ZNF782: variants seen among roughly 807,000 people sequenced by gnomAD.
ZNF782 encodes zinc finger protein 782.
A neutral mutation model predicts 13.0 loss-of-function variants in ZNF782; 12 were observed. The observed-to-expected ratio is 0.92, with a 90% CI of 0.59 to 1.50. ZNF782 has a LOEUF of 1.50. Ranked by LOEUF, ZNF782 falls within the 40% of genes most tolerant of loss-of-function variation. ZNF782 has a pLI of 0.00. For synonymous variants in ZNF782, 284 were observed against 283.0 expected, an observed-to-expected ratio of 1.00 and a Z score of -0.04; for missense variants, 770 against 822.9, an observed-to-expected ratio of 0.94 and a Z score of 0.79.
At chr9:96,907,408 T>TA in the ZNF782 span, among the ~76,000 whole-genome samples, 1 of 152,168 alleles carries the variant, frequency 6.6e-6, no homozygotes. Flanking sequence ...GAAAAAGTTC[T>TA]GGAAATTAGT....
the ZNF782 span, among the ~76,000 whole-genome samples, chr9:96,913,973 CAAAA>C: frequency 1.0e-5 from 1 of 97,486 alleles, no homozygotes; most frequent in Non-Finnish European, 2.2e-5. Flanking sequence ...GACCTTGTCT[CAAAA>C]AAAAAAAAAA....
At chr9:96,905,265 T>C in the ZNF782 span, among the ~76,000 whole-genome samples, 1 of 144,106 alleles carries the variant, frequency 6.9e-6, no homozygotes, top group Middle Eastern at 3.4e-3. Context: ...AAAACCAAGA[T>C]GGTGATGACA....
At chr9:96,920,016 A>G in the ZNF782 span, among the ~76,000 whole-genome samples, 1,138 of 151,498 alleles carry the variant, frequency 7.5e-3, 7 homozygotes, top group African/African-American at 0.026. Context: ...GTAAACATCT[A>G]GCTAAGACAC....
chr9:96,827,015 G>A lies in ZNF782; in HGVS notation c.244+65C>T, dbSNP rs553825603. 23 of 1,031,866 alleles carry A rather than the reference G, an allele frequency of 2.2e-5. No individual in the cohort carries two copies. The African/African-American group carries it at 2.2e-4, about 10-fold the overall frequency. 63.9% of individuals were successfully genotyped at this position (1,031,866 alleles called of 1,614,324 possible). On this transcript the variant is annotated intron_variant, in intron 5 of 5. Coordinates refer to ENST00000481138, the MANE Select transcript of ZNF782 (RefSeq NM_001001662.3). ...ATTTTAACCATTATTATGACTATAC[G>A]CTGAGTTGTGTGAGTACTCCTAGTG...
At chr9:96,845,422 C>T (rs1851317017) in intron 3 of ZNF782, among the ~76,000 whole-genome samples, 2 of 152,266 alleles carry the variant, frequency 1.3e-5, no homozygotes, top group East Asian at 1.9e-4. Flanking sequence ...GCCACCACAC[C>T]TAGTTTTTTG....
chr9:96,865,336 G>A (rs920532296), intron 1 of ZNF782, among the ~76,000 whole-genome samples: 22 of 152,184 alleles, frequency 1.4e-4, no homozygotes, highest in Non-Finnish European at 2.9e-4. Flanking sequence ...GGTCTTTCCT[G>A]TGTTGTTCTC....
In ZNF782 at chr9:96,851,335, C is replaced by T. The variant is rs138614092; in HGVS notation, c.15+612G>A. Among the ~76,000 whole-genome samples the T allele has an allele frequency of 3.9e-3, 589 of 152,182 alleles. 7 individuals carry two copies. Among genetic ancestry groups the T allele is most frequent in the African/African-American group, 0.013 (556 of 41,550 alleles). On this transcript the variant is annotated intron_variant, in intron 3 of 5. Transcript: ENST00000481138. ...ATTTATTCAATAATCAAAATCTTCA[C>T]ACAAAAAGTCTTCGCAAGGTCCAAA...
upstream of ZNF782, among the ~76,000 whole-genome samples, chr9:96,857,071 A>T (rs753734065): frequency 2.1e-4 from 32 of 152,232 alleles, no homozygotes; most frequent in Non-Finnish European, 5.9e-5. Context: ...GAAAAGATTA[A>T]CATTTGCTCA....
chr9:96,893,769 G>C, the ZNF782 span: 1 of 146,068 alleles, frequency 6.8e-6, no homozygotes, highest in East Asian at 1.9e-4. Context: ...GGGAGGCCGA[G>C]GTGGGTGGAT....
the ZNF782 span, among the ~76,000 whole-genome samples, chr9:96,908,111 TTC>T: frequency 2.0e-5 from 3 of 151,952 alleles, no homozygotes; most frequent in Non-Finnish European, 2.9e-5. Flanking sequence ...CATGTTATAT[TTC>T]TCTGTTTTCC....
intron 5 of ZNF782, among the ~76,000 whole-genome samples, chr9:96,826,016 A>T (rs1347436506): frequency 6.6e-6 from 1 of 152,242 alleles, no homozygotes; most frequent in Non-Finnish European, 1.5e-5. Flanking sequence ...CTAGAACTAG[A>T]AATACCATTT....
chr9:96,868,886 T>C (rs1255786208), intron 1 of ZNF782, among the ~76,000 whole-genome samples: 1 of 152,228 alleles, frequency 6.6e-6, no homozygotes, highest in Non-Finnish European at 1.5e-5. Context: ...TTTGTTGTGT[T>C]TCTCCTTCCC....
At chr9:96,878,139 C>G (rs1160425439), upstream of ZNF782, among the ~76,000 whole-genome samples, 2 of 152,154 alleles carry the variant, frequency 1.3e-5, no homozygotes, top group Admixed American at 6.6e-5. Context: ...ACCTCTGCTT[C>G]CCGGGTTCAA....
chr9:96,887,904 A>G, the ZNF782 span: 2 of 151,806 alleles, frequency 1.3e-5, no homozygotes, highest in African/African-American at 4.8e-5. Context: ...CATTCTCAGC[A>G]AACTATTGCA....
At position 96,819,034 on chromosome 9, in the gene ZNF782, C is replaced by A; in HGVS notation, c.989G>T (p.Arg330Ile). 2 of 1,614,140 alleles carry A rather than the reference C, an allele frequency of 1.2e-6. No homozygotes were observed. Among genetic ancestry groups the A allele is most frequent in the Non-Finnish European group, 1.7e-6 (2 of 1,180,020 alleles). ...NRNSTLPVHQ[R>I]THATDKYSDY... ...AGAGTATTTATCTGTTGCATGAGTT[C>A]TCTGATGCACTGGGAGGGTTGAATT... is the stretch of plus-strand genomic sequence containing the variant. The change falls in exon 6 of 6, where the codon AGA (arginine) becomes ATA (isoleucine). Residue 330 changes from arginine (R) to isoleucine (I), a missense_variant. Transcript: ENST00000481138.
upstream of ZNF782, chr9:96,875,690 G>T (rs1395071372): frequency 1.9e-5 from 8 of 430,898 alleles, no homozygotes; most frequent in Admixed American, 2.1e-4. Flanking sequence ...TGAGGGGGTC[G>T]ATCCTGGGGT....
the ZNF782 span, among the ~76,000 whole-genome samples, chr9:96,930,872 GTTTTTTTTTTTTTTTTTTTTTTTTTTT>G: frequency 4.1e-5 from 3 of 72,656 alleles, no homozygotes; most frequent in South Asian, 5.6e-4. Flanking sequence ...CCATCCAGTG[GTTTTTTTTTTTTTTTTTTTTTTTTTTT>G]TTTTTTTTTT....
chr9:96,843,680 G>A (rs1851256604), intron 4 of ZNF782, among the ~76,000 whole-genome samples: 1 of 152,176 alleles, frequency 6.6e-6, no homozygotes, highest in South Asian at 2.1e-4. Context: ...CTATTTACTG[G>A]TGTTGATAGT....
intron 4 of ZNF782, among the ~76,000 whole-genome samples, chr9:96,830,937 A>T (rs957208051): frequency 1.3e-5 from 2 of 152,242 alleles, no homozygotes; most frequent in Non-Finnish European, 1.5e-5. Context: ...GATGGGTTCA[A>T]CAGCAGAATG....
Sources: allele counts gnomAD v4.1 joint callset (sites outside exome capture counted in the v4.1 genomes callset), GRCh38; gene constraint gnomAD v4.1.1; transcripts MANE v1.5; gene names NCBI Gene and HGNC (gene_info 2026-07-23, HGNC 2026-07-21).